The following GPHN variants were observed in gnomAD, a reference collection of about 807,000 sequenced individuals.
The protein encoded by GPHN is gephyrin.
Under a neutral mutation model 95.5 loss-of-function variants are expected in GPHN, and 17 were observed. The ratio of observed to expected loss-of-function variants is 0.18; its 90% confidence interval spans 0.12 to 0.27. GPHN has a LOEUF of 0.27. GPHN is among the 10% of genes least tolerant of loss of function. GPHN has a pLI of 1.00. For missense variants in GPHN, 660 were observed against 978.1 expected (o/e 0.67, Z 4.34); for synonymous variants, 320 against 322.5 (o/e 0.99, Z 0.08).
chr14:67,733,782 A>C, the GPHN span: 1 of 1,613,508 alleles, frequency 6.2e-7, no homozygotes, highest in South Asian at 1.1e-5. Context: ...CAAGGGCCCG[A>C]AATAACAAAA....
Position 66,960,776 on chromosome 14 carries a change from C to A in GPHN, c.829-4415C>A, listed in dbSNP as rs189420520. ...GTGAGAGAATAGAACCTTCTCAGGT[C>A]TTTTCTGAGGGTGTGCCCAGCCCTG... is the stretch of plus-strand genomic sequence containing the variant. On this transcript the variant is annotated intron_variant, in intron 8 of 22. Coordinates refer to ENST00000478722, the MANE Select transcript of GPHN (RefSeq NM_020806.5). 5.9e-5 allele frequency among the ~76,000 whole-genome samples: 9 copies of A among 152,162 alleles called. No homozygotes were observed. The East Asian group carries it at 1.7e-3, about 29-fold the overall frequency.
In GPHN at chr14:66,508,418, C is replaced by T. The variant is rs2057875955; in HGVS notation, c.-110C>T. The T allele has an allele frequency of 1.0e-6, 1 of 964,416 alleles. No homozygotes were observed. The highest frequency in any genetic ancestry group is 1.7e-6 in the Non-Finnish European group (1 of 589,634). The allele number at this position is 964,416 out of a possible 1,614,324, so 59.7% of individuals were successfully genotyped here. ...CTCCTTCCCCGCTCTCCTCGCGCTTCTCTGGCTCCCTAGCTGTCGCGCTCT... is the reference window on the plus strand; with the variant it reads ...CTCCTTCCCCGCTCTCCTCGCGCTTTTCTGGCTCCCTAGCTGTCGCGCTCT... On this transcript the variant is annotated 5_prime_UTR_variant, in exon 1 of 23. Transcript: ENST00000478722.
chr14:67,722,848 G>A, the GPHN span: 1 of 795,186 alleles, frequency 1.3e-6, no homozygotes, highest in Non-Finnish European at 2.2e-6. Context: ...GAAGGAAGGG[G>A]GTGTTGTGGA....
intron 1 of GPHN, among the ~76,000 whole-genome samples, chr14:66,641,870 T>C (rs1339542583): frequency 6.6e-6 from 1 of 152,128 alleles, no homozygotes; most frequent in African/African-American, 2.4e-5. Flanking sequence ...TTGGGTTTTT[T>C]AAAGTAAAAA....
chr14:66,593,442 A>T (rs903122113), intron 1 of GPHN, among the ~76,000 whole-genome samples: 1 of 152,132 alleles, frequency 6.6e-6, no homozygotes. Flanking sequence ...CATGTCTTAC[A>T]TGGCATCAGG....
the GPHN span, among the ~76,000 whole-genome samples, chr14:67,498,583 T>C: frequency 6.6e-6 from 1 of 152,304 alleles, no homozygotes; most frequent in South Asian, 2.1e-4. Flanking sequence ...GAAACTGCAA[T>C]GCCAAGAAAG....
intron 2 of GPHN, among the ~76,000 whole-genome samples, chr14:66,701,287 A>G (rs2068531303): frequency 6.6e-6 from 1 of 152,304 alleles, no homozygotes. Context: ...AATATGTTTC[A>G]TATCTAAACA....
At chr14:67,562,157 C>T in the GPHN span, 71 of 1,611,068 alleles carry the variant, frequency 4.4e-5, no homozygotes, top group African/African-American at 5.7e-4. Flanking sequence ...AGCTCCTTCA[C>T]GGAAGCTGCT....
At chr14:66,968,113 C>T (rs1335744059) in intron 9 of GPHN, among the ~76,000 whole-genome samples, 1 of 151,782 alleles carries the variant, frequency 6.6e-6, no homozygotes, top group South Asian at 2.1e-4. Context: ...ATTTTAGCAC[C>T]GAGCTCTGTT....
the GPHN span, chr14:67,561,869 CAAAA>C: frequency 2.8e-3 from 2,127 of 748,016 alleles, no homozygotes; most frequent in Middle Eastern, 3.2e-3. Flanking sequence ...GACCCTGTCT[CAAAA>C]AAAAAAAAAA....
intron 1 of GPHN, among the ~76,000 whole-genome samples, chr14:66,564,277 A>G (rs117605630): frequency 0.012 from 1,838 of 152,284 alleles, 19 homozygotes; most frequent in Non-Finnish European, 0.018. Context: ...TAAGAGCATA[A>G]TAAAATTAAA....
chr14:67,473,950 G>A, the GPHN span: 1 of 1,577,272 alleles, frequency 6.3e-7, no homozygotes, highest in Non-Finnish European at 8.6e-7. This position sits in a 1 kb window ranked among gnomAD's most constrained non-coding sequence, Gnocchi z 6.5. Context: ...GGCTGCGGGG[G>A]GCGCAAGAGA....
intron 1 of GPHN, among the ~76,000 whole-genome samples, chr14:66,661,468 A>G (rs2065643302): frequency 6.6e-6 from 1 of 151,570 alleles, no homozygotes. Flanking sequence ...TTACCTCCCA[A>G]CTGACAGAGT....
chr14:67,132,020 A>G (rs2079751180), intron 17 of GPHN, among the ~76,000 whole-genome samples: 1 of 152,064 alleles, frequency 6.6e-6, no homozygotes, highest in African/African-American at 2.4e-5. Flanking sequence ...AGCCTGCCCC[A>G]CTCAAATCCT....
chr14:67,117,021 T>C (rs886747093), intron 16 of GPHN, among the ~76,000 whole-genome samples: 7 of 152,332 alleles, frequency 4.6e-5, no homozygotes, highest in African/African-American at 1.4e-4. Flanking sequence ...GTATCCATAA[T>C]AACAAGAATT....
chr14:67,051,698 G>A (rs138350001), intron 10 of GPHN, among the ~76,000 whole-genome samples: 1 of 152,166 alleles, frequency 6.6e-6, no homozygotes, highest in Non-Finnish European at 1.5e-5. Context: ...AAGTATTAAG[G>A]GCAGCCAGAG....
chr14:67,206,438 G>C, the GPHN span, among the ~76,000 whole-genome samples: 4 of 152,108 alleles, frequency 2.6e-5, no homozygotes, highest in South Asian at 8.3e-4. Flanking sequence ...GGAGGTTGCA[G>C]TGAGCCAAGA....
rs182555486 is a variant in GPHN at position 67,180,667 on chromosome 14, G to T, written c.2177-137G>T. 2,643 of 760,762 alleles carry T rather than the reference G, an allele frequency of 3.5e-3. 11 individuals carry two copies. The highest frequency in any genetic ancestry group is 5.1e-3 in the Non-Finnish European group (2,233 of 437,506). 47.1% of individuals were successfully genotyped at this position (760,762 alleles called of 1,614,324 possible). A position where few individuals can be genotyped will look rare whatever the true frequency, so the allele number is the denominator to read the frequency against. ...ATAATAGCATGGCCACCTGAAAAAG[G>T]TACTGGAAAGTTTGATCATCCCTTC... On this transcript the variant is annotated intron_variant, in intron 22 of 22. Coordinates refer to ENST00000478722, the MANE Select transcript of GPHN (RefSeq NM_020806.5).
chr14:66,736,692 A>C (rs1029010154), intron 2 of GPHN, among the ~76,000 whole-genome samples: 12 of 152,176 alleles, frequency 7.9e-5, no homozygotes, highest in Admixed American at 7.2e-4. Flanking sequence ...TACGTGAGCC[A>C]CTGTGCCTGG....
Sources: allele counts gnomAD v4.1 joint callset (sites outside exome capture counted in the v4.1 genomes callset), GRCh38; gene constraint gnomAD v4.1.1; non-coding constraint Gnocchi (gnomAD v3.1); transcripts MANE v1.5; gene names NCBI Gene and HGNC (gene_info 2026-07-23, HGNC 2026-07-21).